Variants in NUP35 observed in about 807,000 individuals in gnomAD.
NUP35 encodes nucleoporin 35.
Under a neutral mutation model 41.5 loss-of-function variants are expected in NUP35, and 25 were observed. That is an observed-to-expected ratio of 0.60 (90% CI 0.44 to 0.84). The LOEUF is 0.84. Ranked by LOEUF, NUP35 falls within the 40% of genes least tolerant of loss-of-function variation. The pLI, the probability that NUP35 is intolerant of heterozygous loss-of-function variation, is 0.00. For synonymous variants in NUP35, 149 were observed against 130.7 expected (o/e 1.14, Z -0.96); for missense variants, 396 against 396.6 (o/e 1.00, Z 0.01).
chr2:183,157,028 G>A (rs929945645), intron 5 of NUP35, among the ~76,000 whole-genome samples: 2 of 152,124 alleles, frequency 1.3e-5, no homozygotes, highest in Admixed American at 1.3e-4. Context: ...GATGCTCAAT[G>A]TATAATGATT....
At chr2:183,145,560 A>C (rs552103211) in intron 4 of NUP35, among the ~76,000 whole-genome samples, 12 of 152,236 alleles carry the variant, frequency 7.9e-5, no homozygotes, top group Admixed American at 6.5e-4. Flanking sequence ...TACCCCATAC[A>C]TTTGTACAAA....
intron 5 of NUP35, among the ~76,000 whole-genome samples, chr2:183,156,047 A>C (rs910180510): frequency 6.6e-6 from 1 of 152,114 alleles, no homozygotes; most frequent in Non-Finnish European, 1.5e-5. Flanking sequence ...ACTTTTTCCT[A>C]CTGACTTAGG....
intron 2 of NUP35, among the ~76,000 whole-genome samples, chr2:183,129,963 T>C (rs1684640108): frequency 6.6e-6 from 1 of 152,226 alleles, no homozygotes; most frequent in Non-Finnish European, 1.5e-5. Flanking sequence ...ATCTACTTAA[T>C]CTAGATAGTC....
chr2:183,138,269 A>ATATTTTTTTTT, intron 4 of NUP35, among the ~76,000 whole-genome samples: 95 of 80,664 alleles, frequency 1.2e-3, no homozygotes, highest in Non-Finnish European at 1.5e-3. Context: ...ATATATATAT[A>ATATTTTTTTTT]TTTTTTTTTT....
chr2:183,121,673 AT>A (rs1457216788), upstream of NUP35, among the ~76,000 whole-genome samples: 1 of 151,592 alleles, frequency 6.6e-6, no homozygotes, highest in African/African-American at 2.4e-5. Context: ...CTGTACTAAA[AT>A]TCAAAAAAAA....
intron 2 of NUP35, among the ~76,000 whole-genome samples, 174 bp from the exon 3 acceptor site, chr2:183,130,244 C>T (rs1684649019): frequency 6.6e-6 from 1 of 152,140 alleles, no homozygotes; most frequent in South Asian, 2.1e-4. Context: ...TCACCCTACA[C>T]CTTCTGAATC....
upstream of NUP35, among the ~76,000 whole-genome samples, chr2:183,121,973 T>G (rs1008222774): frequency 2.1e-5 from 3 of 145,644 alleles, no homozygotes; most frequent in Admixed American, 2.1e-4. Flanking sequence ...ACGTGCAGGT[T>G]TGTTACATAT....
intron 1 of NUP35, among the ~76,000 whole-genome samples, chr2:183,126,069 C>G (rs957224264): frequency 6.6e-5 from 10 of 152,174 alleles, no homozygotes; most frequent in African/African-American, 2.2e-4. Context: ...TTTGACACAG[C>G]CGTGTCACCT....
intron 8 of NUP35, chr2:183,160,841 G>A: frequency 5.6e-6 from 2 of 359,936 alleles, no homozygotes; most frequent in Non-Finnish European, 1.1e-5. Context: ...CCAGCACTTT[G>A]GCAGGCCGAG....
intron 4 of NUP35, among the ~76,000 whole-genome samples, chr2:183,135,689 G>T (rs1046096883): frequency 4.6e-5 from 7 of 152,052 alleles, no homozygotes; most frequent in Non-Finnish European, 1.0e-4. Flanking sequence ...TGGAACATAA[G>T]AAACAATAGC....
At chr2:183,134,468 A>G (rs1255542140) in intron 4 of NUP35, among the ~76,000 whole-genome samples, 1 of 152,090 alleles carries the variant, frequency 6.6e-6, no homozygotes, top group Non-Finnish European at 1.5e-5. Context: ...TGCCATAACA[A>G]ACTACCACAA....
At chr2:183,136,767 A>G (rs1053860134) in intron 4 of NUP35, among the ~76,000 whole-genome samples, 8 of 152,120 alleles carry the variant, frequency 5.3e-5, no homozygotes, top group East Asian at 3.9e-4. Context: ...TGGATTACCA[A>G]TCAGTCAAAC....
At chr2:183,136,120 T>C (rs769862024) in intron 4 of NUP35, among the ~76,000 whole-genome samples, 4 of 152,220 alleles carry the variant, frequency 2.6e-5, no homozygotes, top group Non-Finnish European at 4.4e-5. Flanking sequence ...TTAGTCATTT[T>C]CTATCACGAT....
upstream of NUP35, among the ~76,000 whole-genome samples, chr2:183,121,629 C>T (rs148128954): frequency 0.03 from 4,614 of 151,752 alleles, 236 homozygotes; most frequent in African/African-American, 0.11. Context: ...GTCAGGAGAT[C>T]GAGACCATCC....
In NUP35 at chr2:183,137,096, A is replaced by G. The variant is rs149487209; in HGVS notation, c.397+3473A>G. ...TAGAGCGAGACTTTGTCTCCAAAAA[A>G]AAGAAATCTTGGAGGCCTTTTTAGA... On this transcript the variant is annotated intron_variant, in intron 4 of 8. Coordinates refer to ENST00000295119, the MANE Select transcript of NUP35 (RefSeq NM_138285.5). Among the ~76,000 whole-genome samples, 543 of 152,132 alleles carry G rather than the reference A, an allele frequency of 3.6e-3. 2 individuals are homozygous for G. The highest frequency in any genetic ancestry group is 4.8e-3 in the Non-Finnish European group (328 of 68,000).
At chr2:183,144,873 A>G (rs977464283) in intron 4 of NUP35, among the ~76,000 whole-genome samples, 1 of 152,240 alleles carries the variant, frequency 6.6e-6, no homozygotes, top group Non-Finnish European at 1.5e-5. Context: ...TTGACAGGGC[A>G]AAAATTAGAT....
intron 4 of NUP35, among the ~76,000 whole-genome samples, chr2:183,145,421 A>G (rs1685246642): frequency 6.6e-6 from 1 of 152,176 alleles, no homozygotes; most frequent in South Asian, 2.1e-4. Flanking sequence ...CACGTTTTGG[A>G]ACATTTTGGA....
At chr2:183,128,071 CAG>C (rs1684560320) in intron 1 of NUP35, among the ~76,000 whole-genome samples, 1 of 127,904 alleles carries the variant, frequency 7.8e-6, no homozygotes, top group South Asian at 2.7e-4. Context: ...GACTCGGACT[CAG>C]AAAAAAAAAA....
intron 5 of NUP35, among the ~76,000 whole-genome samples, chr2:183,152,408 A>G (rs1390772273): frequency 6.6e-6 from 1 of 152,076 alleles, no homozygotes; most frequent in Non-Finnish European, 1.5e-5. Context: ...CACTGAACCC[A>G]ATTTGTAGTC....
Sources: allele counts gnomAD v4.1 joint callset (sites outside exome capture counted in the v4.1 genomes callset), GRCh38; gene constraint gnomAD v4.1.1; transcripts MANE v1.5; gene names NCBI Gene and HGNC (gene_info 2026-07-23, HGNC 2026-07-21).